Variants in CELF2 observed in about 807,000 individuals in gnomAD.
CELF2 encodes CUG triplet repeat RNA-binding protein 2.
In CELF2, 8 loss-of-function variants were observed where a neutral mutation model predicts 62.6. That is an observed-to-expected ratio of 0.13 (90% confidence interval 0.07 to 0.23). The LOEUF is 0.23. CELF2 is among the 10% of genes least tolerant of loss of function. CELF2 has a pLI of 1.00. For synonymous variants in CELF2, 258 were observed against 250.0 expected (o/e 1.03, Z -0.30); for missense variants, 333 against 671.0 (o/e 0.50, Z 5.56).
At chr10:11,101,791 G>A (rs2051728483) in intron 1 of CELF2, among the ~76,000 whole-genome samples, 1 of 152,120 alleles carries the variant, frequency 6.6e-6, no homozygotes, top group African/African-American at 2.4e-5. Flanking sequence ...ATATCATCCT[G>A]TGGGAAATGT....
chr10:11,115,844 C>A (rs1012979338), intron 1 of CELF2, among the ~76,000 whole-genome samples: 1 of 152,290 alleles, frequency 6.6e-6, no homozygotes, highest in South Asian at 2.1e-4. Flanking sequence ...TCACAGGAAT[C>A]GATTTTATGC....
At chr10:11,018,190 G>A in intron 1 of CELF2, 27 bp downstream of exon 1, 1 of 1,500,742 alleles carries the variant, frequency 6.7e-7, no homozygotes, top group Non-Finnish European at 8.9e-7. Flanking sequence ...CCCGAGGCCG[G>A]GCGAGCGGGC....
At chr10:10,834,447 C>A (rs1005284488) in intron 1 of CELF2, among the ~76,000 whole-genome samples, 24 of 152,154 alleles carry the variant, frequency 1.6e-4, no homozygotes, top group Admixed American at 8.5e-4. Context: ...GCAAATGTAC[C>A]CCTGAACTTA....
chr10:10,518,490 G>A, the CELF2 span, among the ~76,000 whole-genome samples: 1 of 152,206 alleles, frequency 6.6e-6, no homozygotes, highest in Admixed American at 6.5e-5. Flanking sequence ...CTCATGGAGA[G>A]TGAAATGGGA....
intron 2 of CELF2, among the ~76,000 whole-genome samples, chr10:10,978,276 T>C (rs2051607895): frequency 6.6e-6 from 1 of 152,172 alleles, no homozygotes; most frequent in South Asian, 2.1e-4. Context: ...CTTTGTACAA[T>C]CCATCCTGTT....
the CELF2 span, among the ~76,000 whole-genome samples, chr10:10,671,942 C>A: frequency 6.6e-6 from 1 of 152,138 alleles, no homozygotes; most frequent in Non-Finnish European, 1.5e-5. Context: ...GTTGGCCAGG[C>A]TGGTCTTGAA....
At chr10:10,988,256 C>T (rs1169979131) in intron 2 of CELF2, among the ~76,000 whole-genome samples, 3 of 149,582 alleles carry the variant, frequency 2.0e-5, no homozygotes, top group African/African-American at 7.6e-5. Context: ...GATATACACA[C>T]ATACATATAT....
At chr10:10,895,291 A>T (rs1464483040) in intron 1 of CELF2, among the ~76,000 whole-genome samples, 1 of 152,188 alleles carries the variant, frequency 6.6e-6, no homozygotes, top group Non-Finnish European at 1.5e-5. Context: ...CACCCTATAC[A>T]TTTTTTACCT....
intron 2 of CELF2, among the ~76,000 whole-genome samples, chr10:11,197,036 A>AGAAAGAAAGAAAGAAGGAAAGAAG (rs2057946877): frequency 4.1e-5 from 1 of 24,484 alleles, no homozygotes; most frequent in African/African-American, 3.3e-4. Context: ...AAAGAAAGAA[A>AGAAAGAAAGAAAGAAGGAAAGAAG]GAAAGAAAGA....
chr10:11,265,156 T>G (rs1347770173), intron 5 of CELF2, among the ~76,000 whole-genome samples: 1 of 152,222 alleles, frequency 6.6e-6, no homozygotes, highest in Non-Finnish European at 1.5e-5. Context: ...AAAATATATT[T>G]TATGGCTCAC....
At chr10:10,603,701 T>A in the CELF2 span, among the ~76,000 whole-genome samples, 1 of 152,158 alleles carries the variant, frequency 6.6e-6, no homozygotes, top group Non-Finnish European at 1.5e-5. Context: ...ATTGAACCTG[T>A]AGGTCTCTAG....
Position 11,270,573 on chromosome 10 carries a change from C to T in CELF2, c.619-93C>T. 1.8e-6 allele frequency: 2 copies of T among 1,111,814 alleles called. No homozygotes were observed. The highest frequency in any genetic ancestry group is 2.4e-6 in the Non-Finnish European group (2 of 826,848). 68.9% of individuals were successfully genotyped at this position (1,111,814 alleles called of 1,614,324 possible). On this transcript the variant is annotated intron_variant, in intron 6 of 12. Coordinates refer to ENST00000633077, the MANE Select transcript of CELF2 (RefSeq NM_001326342.2). The surrounding 1 kb of genome is among the most constrained non-coding windows in gnomAD (Gnocchi z 5.8). The stretch of plus-strand genomic sequence containing the variant: ...TTCAGCCCATTCCATGTGCTCCAGG[C>T]TAGTGCAGAAAGGTAGCTCCGGTGC...
chr10:11,317,064 G>A (rs189547455), intron 10 of CELF2: 79 of 152,008 alleles, frequency 5.2e-4, no homozygotes, highest in African/African-American at 1.9e-3. Flanking sequence ...GTCTGTATCT[G>A]ATTTTATGTG....
the CELF2 span, among the ~76,000 whole-genome samples, chr10:10,721,602 T>C: frequency 6.6e-6 from 1 of 152,248 alleles, no homozygotes; most frequent in Admixed American, 6.5e-5. Flanking sequence ...AAATATTTTC[T>C]TGAATTAAAT....
intron 1 of CELF2, among the ~76,000 whole-genome samples, chr10:10,799,024 CA>C (rs1388736841): frequency 6.6e-6 from 1 of 152,198 alleles, no homozygotes; most frequent in South Asian, 2.1e-4. Context: ...AATTTCACCC[CA>C]GGGGGGAGGT....
chr10:11,234,024 C>T (rs2136509831), intron 3 of CELF2, among the ~76,000 whole-genome samples: 1 of 152,330 alleles, frequency 6.6e-6, no homozygotes, highest in Non-Finnish European at 1.5e-5. Context: ...GAGATCCACG[C>T]TCTATACTGT....
chr10:10,543,026 C>T, the CELF2 span, among the ~76,000 whole-genome samples: 1 of 152,166 alleles, frequency 6.6e-6, no homozygotes, highest in Non-Finnish European at 1.5e-5. Context: ...AAAGGCATCC[C>T]CCTGGAGAAG....
chr10:11,325,645 A>T (rs1408398111), intron 11 of CELF2, among the ~76,000 whole-genome samples, 191 bp from the exon 12 acceptor site: 1 of 152,250 alleles, frequency 6.6e-6, no homozygotes, highest in Non-Finnish European at 1.5e-5. Context: ...CGTAACCAGC[A>T]TCTTTGGAAA....
intron 2 of CELF2, among the ~76,000 whole-genome samples, chr10:11,209,441 C>A (rs1340508087): frequency 6.6e-6 from 1 of 151,936 alleles, no homozygotes; most frequent in African/African-American, 2.4e-5. Flanking sequence ...ACATGGGTGA[C>A]CCTCCAGGAT....
Sources: gnomAD v4.1 joint callset for allele counts (sites outside exome capture counted in the v4.1 genomes callset) on GRCh38, gnomAD v4.1.1 for gene constraint, Gnocchi (gnomAD v3.1) non-coding constraint, MANE v1.5 for transcripts, NCBI Gene and HGNC (gene_info 2026-07-23, HGNC 2026-07-21) for gene names.